Variants in DIP2C observed in about 807,000 individuals in gnomAD.
DIP2C encodes disco-interacting protein 2 homolog C.
A neutral mutation model predicts 192.4 loss-of-function variants in DIP2C; 33 were observed. The ratio of observed to expected loss-of-function variants is 0.17; its 90% CI spans 0.13 to 0.23. The LOEUF (loss-of-function observed/expected upper bound fraction) is 0.23. DIP2C is among the 10% of genes least tolerant of loss of function. DIP2C has a pLI of 1.00. For missense variants in DIP2C, 1,537 were observed against 2,110.1 expected, an observed-to-expected ratio of 0.73 and a Z score of 5.32; for synonymous variants, 979 against 864.1, an observed-to-expected ratio of 1.13 and a Z score of -2.33.
At position 278,302 on chromosome 10, in the gene DIP2C, G is replaced by A. The variant is rs573203307; in HGVS notation, c.4419-725C>T. ...GCCTGCTCCTCTGTCTGTGCAGTGC[G>A]CCTGAGTGGGGGTGTGTTTCCCAGT... On this transcript the variant is annotated intron_variant, in intron 36 of 36. Coordinates refer to ENST00000280886, the MANE Select transcript of DIP2C (RefSeq NM_014974.3). Among the ~76,000 whole-genome samples the A allele has an allele frequency of 9.6e-4, 147 of 152,370 alleles. No homozygotes were observed. In the Middle Eastern group the frequency reaches 0.024, roughly 25 times the overall value.
At chr10:540,182 T>C (rs1275924464) in intron 1 of DIP2C, among the ~76,000 whole-genome samples, 3 of 152,264 alleles carry the variant, frequency 2.0e-5, no homozygotes, top group African/African-American at 7.2e-5. Flanking sequence ...ATGTGCGTGT[T>C]TTAAAGTCAA....
chr10:597,181 G>T (rs1344560745), intron 1 of DIP2C, among the ~76,000 whole-genome samples: 3 of 152,218 alleles, frequency 2.0e-5, no homozygotes, highest in East Asian at 3.8e-4. Context: ...AGTGGCATCC[G>T]TCTTCTGCCC....
chr10:358,513 A>G lies in DIP2C; in HGVS notation c.2795-576T>C, dbSNP rs151104274. On this transcript the variant is annotated intron_variant, in intron 22 of 36. Transcript: ENST00000280886. ...CTGTCAGGCCCACAGTGAGGTGTGGAAGAATAAACCAAGGGCTGTCATAAA... is the reference window on the plus strand; with the variant it reads ...CTGTCAGGCCCACAGTGAGGTGTGGGAGAATAAACCAAGGGCTGTCATAAA... Among the ~76,000 whole-genome samples the G allele has an allele frequency of 3.0e-3, 401 of 134,390 alleles. 12 individuals are homozygous for G. The East Asian group carries it at 0.072, about 24-fold the overall frequency. The allele number at this position is 134,390 out of a possible 152,430, so 88.2% of individuals were successfully genotyped here.
chr10:590,128 G>A (rs1397024010), intron 1 of DIP2C, among the ~76,000 whole-genome samples: 4 of 152,242 alleles, frequency 2.6e-5, no homozygotes, highest in Non-Finnish European at 5.9e-5. Context: ...AAACCACAGT[G>A]AGAGGCACGG....
In DIP2C at chr10:277,122, C is replaced by A; in HGVS notation, c.*203G>T. 1.5e-6 allele frequency: 1 copy of A among 671,398 alleles called. No homozygotes were observed. Among genetic ancestry groups the A allele is most frequent in the Non-Finnish European group, 2.3e-6 (1 of 433,642 alleles). 41.6% of individuals were successfully genotyped at this position (671,398 alleles called of 1,614,324 possible). A position where few individuals can be genotyped will look rare whatever the true frequency, so the allele number is the denominator to read the frequency against. On this transcript the variant is annotated 3_prime_UTR_variant, in exon 37 of 37. Transcript: ENST00000280886. The stretch of plus-strand genomic sequence containing the variant: ...GGCAGTAATCCAAAGTCCTTCTGAG[C>A]GAAATTCAGTGGTAAATTCACATTT...
At chr10:416,023 C>T in intron 6 of DIP2C, 135 bp from the exon 7 acceptor site, 1 of 1,358,926 alleles carries the variant, frequency 7.4e-7, no homozygotes, top group Non-Finnish European at 1.0e-6. Context: ...CTGGGAAGGG[C>T]CCGAGGTGAT....
At chr10:460,779 G>A (rs1447078529) in intron 3 of DIP2C, among the ~76,000 whole-genome samples, 1 of 152,052 alleles carries the variant, frequency 6.6e-6, no homozygotes, top group Non-Finnish European at 1.5e-5. Flanking sequence ...TAAAATGAAG[G>A]AAAAAATGTT....
rs1167781469 is a variant in DIP2C at position 397,345 on chromosome 10, C to T, written c.1260+1764G>A. Among the ~76,000 whole-genome samples the T allele has an allele frequency of 3.9e-5, 6 of 152,184 alleles. No homozygotes were observed. In the East Asian group the frequency reaches 5.8e-4, roughly 15 times the overall value. ...AGGAGTTCGAGACCAGCCTGGCCAACGTAACAAAACCTCATCTCTACTAAA... is the reference window on the plus strand; with the variant it reads ...AGGAGTTCGAGACCAGCCTGGCCAATGTAACAAAACCTCATCTCTACTAAA... On this transcript the variant is annotated intron_variant, in intron 10 of 36. Coordinates refer to ENST00000280886, the MANE Select transcript of DIP2C (RefSeq NM_014974.3).
rs529214854 is a variant in DIP2C, at chr10:283,423, A to C, written c.4143T>G (p.Asn1381Lys). 6.2e-7 allele frequency: 1 copy of C among 1,614,228 alleles called. No individual in the cohort carries two copies. The highest frequency in any genetic ancestry group is 1.3e-5 in the African/African-American group (1 of 75,062). Residue 1381 changes from asparagine to lysine, a missense_variant, in exon 35 of 37, where the codon AAT becomes AAG. Physicochemically the swap from Asn to Lys is moderately conservative, Grantham distance 94. Coordinates refer to ENST00000280886, the MANE Select transcript of DIP2C (RefSeq NM_014974.3). ...LGEIWVHSAH[N>K]ASGYFTIYGD... Reference sequence around the variant, plus strand: ...CGTAAATAGTGAAATAACCGCTGGCATTGTGGGCACTGTGAACCCAAATCT... The same window carrying C: ...CGTAAATAGTGAAATAACCGCTGGCCTTGTGGGCACTGTGAACCCAAATCT...
chr10:366,615 G>C (rs369940651), intron 18 of DIP2C, among the ~76,000 whole-genome samples: 3 of 152,316 alleles, frequency 2.0e-5, no homozygotes, highest in East Asian at 3.9e-4. Flanking sequence ...AAATTTCATA[G>C]TTGAAACATC....
At chr10:510,516 G>A (rs745754365) in intron 1 of DIP2C, among the ~76,000 whole-genome samples, 3 of 152,226 alleles carry the variant, frequency 2.0e-5, no homozygotes, top group East Asian at 3.9e-4. Flanking sequence ...GAAAGCTCTC[G>A]CCTGCTTTAC....
intron 1 of DIP2C, among the ~76,000 whole-genome samples, chr10:548,212 C>CCA (rs1554897807): frequency 1.7e-5 from 2 of 115,592 alleles, no homozygotes; most frequent in Non-Finnish European, 3.8e-5. Flanking sequence ...TGCCCCACCC[C>CCA]CCCCCCCACA....
chr10:604,082 T>C (rs1378936979), intron 1 of DIP2C, among the ~76,000 whole-genome samples: 1 of 134,736 alleles, frequency 7.4e-6, no homozygotes, highest in Non-Finnish European at 1.5e-5. Context: ...TCAGGTCTCC[T>C]CTGAGGCAGA....
In DIP2C at chr10:363,200, C is replaced by T; in HGVS notation, c.2589G>A (p.Leu863=). Reference sequence around the variant, plus strand: ...GCCCAGGGCGAGGGAGGGCAACCTGCAGCACACGGCTCATCCACTGGAAAC... The same window carrying T: ...GCCCAGGGCGAGGGAGGGCAACCTGTAGCACACGGCTCATCCACTGGAAAC... ...EDSFQWMSRV[L]QAIDSIHQVG... The change falls in exon 21 of 37, where the codon CTG becomes CTA. Residue 863 remains leucine (L), a synonymous_variant. Coordinates refer to ENST00000280886, the MANE Select transcript of DIP2C (RefSeq NM_014974.3). The surrounding 1 kb of genome is among the most constrained non-coding windows in gnomAD (Gnocchi z 5.4). 6.2e-7 allele frequency: 1 copy of T among 1,613,270 alleles called. No homozygotes were observed. The highest frequency in any genetic ancestry group is 8.5e-7 in the Non-Finnish European group (1 of 1,179,746).
chr10:562,808 T>C (rs956035746), intron 1 of DIP2C, among the ~76,000 whole-genome samples: 1 of 152,112 alleles, frequency 6.6e-6, no homozygotes, highest in Non-Finnish European at 1.5e-5. Context: ...GAGGACACAC[T>C]CAACACAGAA....
chr10:495,682 T>C (rs1163873314), intron 1 of DIP2C, among the ~76,000 whole-genome samples: 1 of 152,008 alleles, frequency 6.6e-6, no homozygotes, highest in East Asian at 1.9e-4. Flanking sequence ...TGATAGAAAA[T>C]GGCTCAGCAT....
At position 311,467 on chromosome 10, in the gene DIP2C, G is replaced by A. The variant is rs75661846; in HGVS notation, c.3925-1375C>T. ...GCACTCAACTGCTAGTCTGTCCCAC[G>A]GCTGGATGCGGGCAAGGCAGCGGGG... On this transcript the variant is annotated intron_variant, in intron 31 of 36. Transcript: ENST00000280886. 1,397 of 1,198,680 alleles carry A rather than the reference G, an allele frequency of 1.2e-3. 8 individuals carry two copies. The African/African-American group carries it at 0.017, about 15-fold the overall frequency. 74.3% of individuals were successfully genotyped at this position (1,198,680 alleles called of 1,614,324 possible). A position where few individuals can be genotyped will look rare whatever the true frequency, so the allele number is the denominator to read the frequency against.
chr10:365,233 C>G (rs1960046865), intron 19 of DIP2C, among the ~76,000 whole-genome samples: 2 of 152,198 alleles, frequency 1.3e-5, no homozygotes, highest in South Asian at 4.1e-4. Flanking sequence ...CAGCCACATC[C>G]AAAGTTCTCA....
intron 31 of DIP2C, among the ~76,000 whole-genome samples, chr10:326,446 T>A (rs1957275172): frequency 6.6e-6 from 1 of 152,178 alleles, no homozygotes; most frequent in South Asian, 2.1e-4. Context: ...CACCAGCACC[T>A]GCTGAGAGGG....
Sources: allele counts gnomAD v4.1 joint callset (sites outside exome capture counted in the v4.1 genomes callset), GRCh38; gene constraint gnomAD v4.1.1; non-coding constraint Gnocchi (gnomAD v3.1); transcripts MANE v1.5; gene names NCBI Gene and HGNC (gene_info 2026-07-23, HGNC 2026-07-21).